FAM53B: variants seen among roughly 807,000 people sequenced by gnomAD.
The protein encoded by FAM53B is protein FAM53B.
In FAM53B, 12 loss-of-function variants were observed where a neutral mutation model predicts 32.7. The ratio of observed to expected loss-of-function variants is 0.37; its 90% CI spans 0.24 to 0.59. FAM53B has a LOEUF of 0.59. Among genes scored for constraint, FAM53B ranks in the 20% least tolerant of loss-of-function variants. The pLI, the probability that FAM53B is intolerant of heterozygous loss-of-function variation, is 0.72. For missense variants in FAM53B, 477 were observed against 577.7 expected, an observed-to-expected ratio of 0.83 and a Z score of 1.79; for synonymous variants, 234 against 228.7, an observed-to-expected ratio of 1.02 and a Z score of -0.21.
chr10:124,726,001 C>G (rs1284035070), intron 1 of FAM53B, among the ~76,000 whole-genome samples: 4 of 152,058 alleles, frequency 2.6e-5, no homozygotes, highest in African/African-American at 9.7e-5. Context: ...AAGCGTGGAC[C>G]CGGATCAGTA....
intron 1 of FAM53B, among the ~76,000 whole-genome samples, chr10:124,719,867 C>A (rs562138278): frequency 1.3e-5 from 2 of 152,218 alleles, no homozygotes; most frequent in East Asian, 3.9e-4. Context: ...AGTTACACAT[C>A]AAAAAACCAA....
chr10:124,715,645 T>C (rs1950034730), intron 1 of FAM53B, among the ~76,000 whole-genome samples: 1 of 152,346 alleles, frequency 6.6e-6, no homozygotes, highest in East Asian at 1.9e-4. Flanking sequence ...GGCAGCAACC[T>C]GACTGATGTC....
intron 1 of FAM53B, among the ~76,000 whole-genome samples, chr10:124,735,961 C>G (rs2134104701): frequency 6.6e-6 from 1 of 152,344 alleles, no homozygotes; most frequent in South Asian, 2.1e-4. Context: ...TGGGTTTCAC[C>G]TAGACTCTGC....
chr10:124,620,362 C>CG lies in FAM53B; in HGVS notation c.*2879_*2880insC, dbSNP rs1049509754. ...GGGTGCATGTGGCACTAAGCCCCCCCCACCGCCCCGGCTTTCCTGCAGGCT... is the reference window on the plus strand; with the variant it reads ...GGGTGCATGTGGCACTAAGCCCCCCCGCACCGCCCCGGCTTTCCTGCAGGCT... On this transcript the variant is annotated 3_prime_UTR_variant, in exon 5 of 5. Coordinates refer to ENST00000337318, the MANE Select transcript of FAM53B (RefSeq NM_014661.4). 2.1e-5 allele frequency: 3 copies of CG among 146,226 alleles called. No individual in the cohort carries two copies. Among genetic ancestry groups the CG allele is most frequent in the African/African-American group, 7.6e-5 (3 of 39,700 alleles). The allele number at this position is 146,226 out of a possible 1,614,324, so 9.1% of individuals were successfully genotyped here. A position where few individuals can be genotyped will look rare whatever the true frequency, so the allele number is the denominator to read the frequency against.
intron 1 of FAM53B, among the ~76,000 whole-genome samples, chr10:124,710,706 A>C (rs957923789): frequency 5.3e-5 from 8 of 152,242 alleles, no homozygotes; most frequent in Non-Finnish European, 1.2e-4. Context: ...GTTTTCTCTT[A>C]ACCTATATCA....
chr10:124,662,846 C>A (rs1949643532), intron 4 of FAM53B, among the ~76,000 whole-genome samples: 1 of 152,122 alleles, frequency 6.6e-6, no homozygotes, highest in African/African-American at 2.4e-5. Context: ...TGGGAAACCA[C>A]TCACACCTTG....
intron 2 of FAM53B, among the ~76,000 whole-genome samples, chr10:124,702,495 T>C (rs968902141): frequency 5.3e-5 from 8 of 152,150 alleles, no homozygotes; most frequent in African/African-American, 1.4e-4. Flanking sequence ...CGTGTGTCTC[T>C]CCCCAAGGCC....
In FAM53B at chr10:124,682,529, T is replaced by C; in HGVS notation, c.134-150A>G. On this transcript the variant is annotated intron_variant, in intron 3 of 4. Transcript: ENST00000337318. The surrounding 1 kb of genome is among the most constrained non-coding windows in gnomAD (Gnocchi z 5.2). ...ATCCAGTCCAACCTCATTTTACAGA[T>C]GAGAAATTGAGGCTGAGAGAGGAGA... The C allele has an allele frequency of 1.5e-6, 1 of 666,586 alleles. No individual in the cohort carries two copies. The allele number at this position is 666,586 out of a possible 1,614,324, so 41.3% of individuals were successfully genotyped here. A position where few individuals can be genotyped will look rare whatever the true frequency, so the allele number is the denominator to read the frequency against.
intron 4 of FAM53B, among the ~76,000 whole-genome samples, chr10:124,640,354 G>C (rs1003350318): frequency 1.3e-5 from 2 of 152,216 alleles, no homozygotes; most frequent in African/African-American, 2.4e-5. Flanking sequence ...GCCAAGCCTT[G>C]GCCCAGAAAA....
chr10:124,692,440 C>T (rs867858958), intron 3 of FAM53B, among the ~76,000 whole-genome samples: 4 of 152,210 alleles, frequency 2.6e-5, no homozygotes, highest in South Asian at 2.1e-4. Flanking sequence ...ATAGGCCAGG[C>T]GCGGTGGCTC....
At chr10:124,734,124 C>T (rs921832362) in intron 1 of FAM53B, among the ~76,000 whole-genome samples, 3 of 152,242 alleles carry the variant, frequency 2.0e-5, no homozygotes, top group Non-Finnish European at 2.9e-5. Context: ...TTCCAGAGGA[C>T]GGTGTAACTC....
chr10:124,721,045 C>CA (rs1351011705), intron 1 of FAM53B, among the ~76,000 whole-genome samples: 1 of 151,946 alleles, frequency 6.6e-6, no homozygotes, highest in East Asian at 1.9e-4. Flanking sequence ...ACCAAAAATA[C>CA]AAAAAAATTA....
At position 124,621,007 on chromosome 10, in the gene FAM53B, C is replaced by G. The variant is rs1312092795; in HGVS notation, c.*2235G>C. On this transcript the variant is annotated 3_prime_UTR_variant, in exon 5 of 5. Coordinates refer to ENST00000337318, the MANE Select transcript of FAM53B (RefSeq NM_014661.4). ...CCACCAGGCCTGAATGGGGAGGTGG[C>G]AGGCAAGGTTTGAGGGCAGGTCACC... 6.6e-6 allele frequency: 1 copy of G among 152,220 alleles called. No homozygotes were observed. The highest frequency in any genetic ancestry group is 6.5e-5 in the Admixed American group (1 of 15,288). 9.4% of individuals were successfully genotyped at this position (152,220 alleles called of 1,614,324 possible).
chr10:124,713,930 C>T (rs926621431), intron 1 of FAM53B: 1 of 152,192 alleles, frequency 6.6e-6, no homozygotes, highest in African/African-American at 2.4e-5. Context: ...GACAGCAATT[C>T]CACAAGGTCT....
intron 3 of FAM53B, among the ~76,000 whole-genome samples, chr10:124,695,185 G>A (rs1231339842): frequency 1.3e-5 from 2 of 152,150 alleles, no homozygotes; most frequent in African/African-American, 4.8e-5. Context: ...GAATCTGAAA[G>A]CCCACAGTCA....
chr10:124,683,236 GT>G, intron 3 of FAM53B, among the ~76,000 whole-genome samples: 1 of 152,260 alleles, frequency 6.6e-6, no homozygotes. Flanking sequence ...ACTATTTATT[GT>G]TTTTCTACTA....
chr10:124,655,724 G>A (rs746842378), intron 4 of FAM53B, among the ~76,000 whole-genome samples: 18 of 152,180 alleles, frequency 1.2e-4, no homozygotes, highest in Non-Finnish European at 2.2e-4. Flanking sequence ...TCCCACACAC[G>A]CCAGCCTTGG....
At chr10:124,699,036 C>A (rs1193498336) in intron 2 of FAM53B, among the ~76,000 whole-genome samples, 3 of 152,266 alleles carry the variant, frequency 2.0e-5, no homozygotes, top group Non-Finnish European at 4.4e-5. Context: ...AGGCTTTGCA[C>A]TGTTCCTGCC....
chr10:124,729,563 G>C (rs1950128231), intron 1 of FAM53B, among the ~76,000 whole-genome samples: 2 of 152,116 alleles, frequency 1.3e-5, no homozygotes, highest in Non-Finnish European at 2.9e-5. Context: ...TGTCATTCTT[G>C]CATTTTATAA....
Sources: gnomAD v4.1 joint callset for allele counts (sites outside exome capture counted in the v4.1 genomes callset) on GRCh38, gnomAD v4.1.1 for gene constraint, Gnocchi (gnomAD v3.1) non-coding constraint, MANE v1.5 for transcripts, NCBI Gene and HGNC (gene_info 2026-07-23, HGNC 2026-07-21) for gene names.